The following ZBTB20 variants were observed in gnomAD, a reference collection of about 807,000 sequenced individuals.
The protein encoded by ZBTB20 is zinc finger and BTB domain-containing protein 20.
In ZBTB20, 9 loss-of-function variants were observed where a neutral mutation model predicts 56.9. That is an observed-to-expected ratio of 0.16 (90% CI 0.10 to 0.28). ZBTB20 has a LOEUF of 0.28. ZBTB20 is among the 10% of genes least tolerant of loss of function. The pLI is 1.00. For missense variants in ZBTB20, 655 were observed against 1,003.0 expected, an observed-to-expected ratio of 0.65 and a Z score of 4.69; for synonymous variants, 417 against 420.7, an observed-to-expected ratio of 0.99 and a Z score of 0.11.
intron 4 of ZBTB20, among the ~76,000 whole-genome samples, chr3:114,825,632 C>T (rs552273083): frequency 5.9e-5 from 9 of 151,834 alleles, no homozygotes; most frequent in South Asian, 2.1e-4. Context: ...CATCGCAAAG[C>T]GACAGGAATT....
chr3:114,502,173 CCTCT>C (rs2044070321), intron 6 of ZBTB20, among the ~76,000 whole-genome samples: 1 of 152,136 alleles, frequency 6.6e-6, no homozygotes, highest in Non-Finnish European at 1.5e-5. Flanking sequence ...TTCAATCTTG[CCTCT>C]CTGACACCAT....
chr3:114,538,091 C>T (rs973738781), intron 6 of ZBTB20, among the ~76,000 whole-genome samples: 10 of 152,022 alleles, frequency 6.6e-5, no homozygotes, highest in African/African-American at 2.4e-4. Flanking sequence ...TGTAACAAAC[C>T]TGCATGTTCT....
chr3:114,521,988 A>T (rs753677629), intron 6 of ZBTB20, among the ~76,000 whole-genome samples: 28 of 152,134 alleles, frequency 1.8e-4, no homozygotes, highest in Non-Finnish European at 3.8e-4. Context: ...CAGGCTCTGT[A>T]CTAGGCACTG....
intron 6 of ZBTB20, among the ~76,000 whole-genome samples, chr3:114,514,594 TG>T (rs2045772638): frequency 6.6e-6 from 1 of 152,140 alleles, no homozygotes; most frequent in Non-Finnish European, 1.5e-5. Flanking sequence ...CCAGTCTTCT[TG>T]GGGATTAAAC....
intron 4 of ZBTB20, among the ~76,000 whole-genome samples, chr3:114,827,918 T>C (rs1241774428): frequency 6.6e-6 from 1 of 151,774 alleles, no homozygotes; most frequent in Non-Finnish European, 1.5e-5. Context: ...CTACTGATAG[T>C]ACACTTGTGA....
chr3:115,022,683 G>A (rs867691415), intron 2 of ZBTB20, among the ~76,000 whole-genome samples: 3 of 150,762 alleles, frequency 2.0e-5, no homozygotes, highest in African/African-American at 4.9e-5. Context: ...ATCTTTCTAA[G>A]GCTGTAACTA....
Position 114,380,896 on chromosome 3 carries a change from G to C in ZBTB20, c.-109C>G. On this transcript the variant is annotated 5_prime_UTR_variant, in exon 9 of 12. Transcript: ENST00000675478. ...AGCTGTGCCTCTAACTTGCTGTGTG[G>C]CCTTGGGCACCTCACTTCACCTCTC... is the stretch of plus-strand genomic sequence containing the variant. 1 of 997,590 alleles carries C rather than the reference G, an allele frequency of 1.0e-6. No homozygotes were observed. Among genetic ancestry groups the C allele is most frequent in the Non-Finnish European group, 1.4e-6 (1 of 734,746 alleles). 61.8% of individuals were successfully genotyped at this position (997,590 alleles called of 1,614,324 possible).
chr3:115,128,765 G>A (rs2084415123), intron 1 of ZBTB20, among the ~76,000 whole-genome samples: 1 of 148,480 alleles, frequency 6.7e-6, no homozygotes, highest in South Asian at 2.2e-4. Context: ...GGGAGGGAAG[G>A]GATGGGAAGG....
At chr3:114,715,253 C>T (rs1480728476) in intron 5 of ZBTB20, among the ~76,000 whole-genome samples, 3 of 152,166 alleles carry the variant, frequency 2.0e-5, no homozygotes, top group African/African-American at 4.8e-5. Flanking sequence ...TTGGCCATTT[C>T]CTGTAGCACA....
chr3:115,006,430 TTAAA>T (rs1481511114), intron 2 of ZBTB20, among the ~76,000 whole-genome samples: 3 of 151,120 alleles, frequency 2.0e-5, no homozygotes, highest in East Asian at 3.9e-4. Context: ...CTCATATTAA[TTAAA>T]TATAGTCATA....
rs1413280303 is a variant in ZBTB20 at position 114,325,127 on chromosome 3, T to A, written c.*13878A>T. The A allele has an allele frequency of 2.0e-5, 3 of 152,202 alleles. No homozygotes were observed. Among genetic ancestry groups the A allele is most frequent in the Non-Finnish European group, 2.9e-5 (2 of 68,036 alleles). 9.4% of individuals were successfully genotyped at this position (152,202 alleles called of 1,614,324 possible). A position where few individuals can be genotyped will look rare whatever the true frequency, so the allele number is the denominator to read the frequency against. On this transcript the variant is annotated 3_prime_UTR_variant, in exon 12 of 12. Coordinates refer to ENST00000675478, the MANE Select transcript of ZBTB20 (RefSeq NM_001348800.3). ...AACCATAATTCTTTCAACAATAGTG[T>A]AGGAACAATTTTAATTAGATATATG...
rs1463179907 is a variant in ZBTB20 at position 114,324,354 on chromosome 3, G to A, written c.*14651C>T. On this transcript the variant is annotated 3_prime_UTR_variant, in exon 12 of 12. Transcript: ENST00000675478. ...ACACGGTCCTAAATTTAACAGTGCTGGGCTTTTATTTTTGAATAGTGCAAT... is the reference window on the plus strand; with the variant it reads ...ACACGGTCCTAAATTTAACAGTGCTAGGCTTTTATTTTTGAATAGTGCAAT... 1.3e-5 allele frequency: 2 copies of A among 152,082 alleles called. No individual in the cohort carries two copies. Among genetic ancestry groups the A allele is most frequent in the African/African-American group, 4.8e-5 (2 of 41,414 alleles). The allele number at this position is 152,082 out of a possible 1,614,324, so 9.4% of individuals were successfully genotyped here.
At chr3:114,893,540 G>A (rs994621971) in intron 4 of ZBTB20, among the ~76,000 whole-genome samples, 1 of 152,116 alleles carries the variant, frequency 6.6e-6, no homozygotes, top group Non-Finnish European at 1.5e-5. Flanking sequence ...TCTTTAGTGT[G>A]AATAACAATA....
chr3:114,381,965 A>G (rs1298301241), intron 8 of ZBTB20, among the ~76,000 whole-genome samples: 1 of 152,206 alleles, frequency 6.6e-6, no homozygotes, highest in East Asian at 1.9e-4. Context: ...CCAAATCTTG[A>G]GTGTCTACAT....
chr3:114,957,380 GA>G (rs959099499), intron 3 of ZBTB20, among the ~76,000 whole-genome samples: 2 of 152,176 alleles, frequency 1.3e-5, no homozygotes, highest in Non-Finnish European at 2.9e-5. Flanking sequence ...GGATAGAATG[GA>G]AAATGCAACA....
At chr3:115,091,717 C>CATAT (rs139201422) in intron 1 of ZBTB20, among the ~76,000 whole-genome samples, 2,772 of 145,772 alleles carry the variant, frequency 0.019, 36 homozygotes, top group South Asian at 0.033. Context: ...ATAATACATA[C>CATAT]ATATATATAT....
At chr3:114,480,259 C>T (rs1468722327) in intron 7 of ZBTB20, among the ~76,000 whole-genome samples, 2 of 151,834 alleles carry the variant, frequency 1.3e-5, no homozygotes, top group African/African-American at 4.8e-5. Context: ...TTAAGTTTTC[C>T]CAGCAAGGAG....
intron 10 of ZBTB20, among the ~76,000 whole-genome samples, chr3:114,352,795 A>T (rs772768750): frequency 1.3e-5 from 2 of 152,222 alleles, no homozygotes; most frequent in Non-Finnish European, 2.9e-5. Context: ...AGAGTGAAAG[A>T]GAGCATTGTT....
chr3:114,641,887 G>C (rs902966932), intron 6 of ZBTB20, among the ~76,000 whole-genome samples: 2 of 151,868 alleles, frequency 1.3e-5, no homozygotes, highest in Non-Finnish European at 2.9e-5. Context: ...TTGTTTAACA[G>C]ACATTTCTTT....
Sources: allele counts gnomAD v4.1 joint callset (sites outside exome capture counted in the v4.1 genomes callset), GRCh38; gene constraint gnomAD v4.1.1; transcripts MANE v1.5; gene names NCBI Gene and HGNC (gene_info 2026-07-23, HGNC 2026-07-21).